The following DPP10 variants were observed in gnomAD, a reference collection of about 807,000 sequenced individuals.
DPP10 encodes the protein inactive dipeptidyl peptidase 10.
A neutral mutation model predicts 120.9 loss-of-function variants in DPP10; 33 were observed. The observed-to-expected ratio is 0.27, with a 90% CI of 0.21 to 0.37. The LOEUF (loss-of-function observed/expected upper bound fraction) is 0.37. DPP10 is among the 10% of genes least tolerant of loss of function. The pLI, the probability that DPP10 is intolerant of heterozygous loss-of-function variation, is 1.00. For synonymous variants in DPP10, 337 were observed against 326.1 expected (o/e 1.03, Z -0.36); for missense variants, 816 against 942.8 (o/e 0.87, Z 1.76).
At chr2:114,830,668 C>T (rs1687023103) in intron 1 of DPP10, among the ~76,000 whole-genome samples, 1 of 151,976 alleles carries the variant, frequency 6.6e-6, no homozygotes, top group Non-Finnish European at 1.5e-5. Flanking sequence ...TTTTTTAAAA[C>T]CACTTTTGTC....
rs994551833 is a variant in DPP10 at position 115,002,197 on chromosome 2, A to G, written c.61-307042A>G. Among the ~76,000 whole-genome samples, 5 of 152,286 alleles carry G rather than the reference A, an allele frequency of 3.3e-5. No individual in the cohort carries two copies. The East Asian group carries it at 5.8e-4, about 18-fold the overall frequency. ...AAAACAAACAAACAAAAACAGACAC[A>G]GAGACCAATGCAACAAAACAGATCA... On this transcript the variant is annotated intron_variant, in intron 1 of 25. Coordinates refer to ENST00000410059, the MANE Select transcript of DPP10 (RefSeq NM_020868.6).
chr2:115,179,094 T>A (rs12711819), intron 1 of DPP10, among the ~76,000 whole-genome samples: 69,872 of 151,990 alleles, frequency 0.46, 16,096 homozygotes, highest in Non-Finnish European at 0.49. Context: ...TTTGCAGATT[T>A]TAATAAGTTG....
At chr2:114,768,637 C>A (rs1325451523) in intron 1 of DPP10, among the ~76,000 whole-genome samples, 2 of 152,082 alleles carry the variant, frequency 1.3e-5, no homozygotes, top group African/African-American at 4.8e-5. Flanking sequence ...CGGCAAAGTC[C>A]TTTTTGCAGT....
chr2:114,835,478 A>G (rs890150649), intron 1 of DPP10: 1 of 152,190 alleles, frequency 6.6e-6, no homozygotes, highest in African/African-American at 2.4e-5. Flanking sequence ...ATTTTCTATC[A>G]CGTTCGTTTT....
In DPP10 at chr2:115,659,240, A is replaced by G. The variant is rs1044805159; in HGVS notation, c.442-30447A>G. On this transcript the variant is annotated intron_variant, in intron 5 of 25. Transcript: ENST00000410059. The stretch of plus-strand genomic sequence containing the variant: ...TCCCAACCTCCATAACCATAAGTCA[A>G]TACATTTCTGTTCTTTATAAATTAC... 4.6e-5 allele frequency among the ~76,000 whole-genome samples: 7 copies of G among 152,130 alleles called. No individual in the cohort carries two copies. In the East Asian group the frequency reaches 1.3e-3, roughly 29 times the overall value.
chr2:115,374,836 G>A (rs1042961952), intron 3 of DPP10, among the ~76,000 whole-genome samples: 2 of 152,218 alleles, frequency 1.3e-5, no homozygotes, highest in African/African-American at 2.4e-5. Flanking sequence ...TGGAGTGCTG[G>A]GATGTAGGGT....
intron 3 of DPP10, 127 bp from the exon 4 acceptor site, chr2:115,499,383 C>G (rs1241650622): frequency 1.5e-6 from 1 of 666,822 alleles, no homozygotes; most frequent in African/African-American, 1.9e-5. Flanking sequence ...CAGAAATCTG[C>G]TTGGGTTATT....
chr2:114,487,859 A>G (rs552681910), intron 1 of DPP10, among the ~76,000 whole-genome samples: 7 of 152,218 alleles, frequency 4.6e-5, no homozygotes, highest in Non-Finnish European at 1.0e-4. Context: ...AGCAACAGCA[A>G]TCGGAAGTGA....
At chr2:115,244,501 A>C (rs1270245031) in intron 1 of DPP10, among the ~76,000 whole-genome samples, 2 of 151,802 alleles carry the variant, frequency 1.3e-5, no homozygotes, top group Non-Finnish European at 2.9e-5. Context: ...GTCTGTGGTA[A>C]ATTTTTTGGC....
At chr2:114,630,002 T>TGTTTTTAAGTAAAAACAC (rs1445914313) in intron 1 of DPP10, among the ~76,000 whole-genome samples, 5 of 152,118 alleles carry the variant, frequency 3.3e-5, no homozygotes, top group Non-Finnish European at 7.4e-5. Context: ...AACACCATAC[T>TGTTTTTAAGTAAAAACAC]ATAAGACCAT....
chr2:115,471,859 A>T (rs923966633), intron 3 of DPP10, among the ~76,000 whole-genome samples: 4 of 151,896 alleles, frequency 2.6e-5, no homozygotes, highest in Non-Finnish European at 5.9e-5. Context: ...GGCTCGAGTG[A>T]TCAACTGCCT....
intron 1 of DPP10, among the ~76,000 whole-genome samples, chr2:114,652,141 A>G (rs1696636051): frequency 1.3e-5 from 2 of 152,180 alleles, no homozygotes. Context: ...AATTTCAAAC[A>G]TAAGAAAGAA....
At chr2:115,113,455 A>G (rs1452928638) in intron 1 of DPP10, among the ~76,000 whole-genome samples, 2 of 152,040 alleles carry the variant, frequency 1.3e-5, no homozygotes, top group African/African-American at 4.8e-5. Flanking sequence ...GCCCATAAGA[A>G]TCCTCCTCCC....
chr2:115,657,709 A>G (rs1159913757), intron 5 of DPP10, among the ~76,000 whole-genome samples: 2 of 151,986 alleles, frequency 1.3e-5, no homozygotes, highest in East Asian at 3.8e-4. Context: ...TGGAAGATGC[A>G]TCATCACGCA....
intron 1 of DPP10, among the ~76,000 whole-genome samples, chr2:114,856,256 C>A (rs1689359799): frequency 6.6e-6 from 1 of 151,878 alleles, no homozygotes; most frequent in South Asian, 2.1e-4. Flanking sequence ...TTGAAAATAC[C>A]AAGTATTAGT....
At chr2:115,679,461 T>A (rs919325194) in intron 5 of DPP10, among the ~76,000 whole-genome samples, 1 of 152,192 alleles carries the variant, frequency 6.6e-6, no homozygotes, top group Non-Finnish European at 1.5e-5. Flanking sequence ...CTTTCCACCA[T>A]GTTTGTAAGT....
intron 1 of DPP10, among the ~76,000 whole-genome samples, chr2:114,718,814 C>G (rs1574035458): frequency 6.6e-6 from 1 of 152,142 alleles, no homozygotes; most frequent in African/African-American, 2.4e-5. Flanking sequence ...TAATTCAACT[C>G]GTCTTATTTT....
chr2:115,363,757 A>G (rs866719505), intron 3 of DPP10, among the ~76,000 whole-genome samples: 16 of 152,172 alleles, frequency 1.1e-4, no homozygotes, highest in African/African-American at 2.4e-4. Context: ...TCTAGACTCT[A>G]TGACTTTGGG....
intron 19 of DPP10, among the ~76,000 whole-genome samples, chr2:115,807,853 C>T (rs1223035934): frequency 6.7e-6 from 1 of 148,548 alleles, no homozygotes; most frequent in Non-Finnish European, 1.5e-5. Context: ...TTTAAAAACA[C>T]GAAAAATTCT....
Sources: gnomAD v4.1 joint callset for allele counts (sites outside exome capture counted in the v4.1 genomes callset) on GRCh38, gnomAD v4.1.1 for gene constraint, MANE v1.5 for transcripts, NCBI Gene and HGNC (gene_info 2026-07-23, HGNC 2026-07-21) for gene names.